CEP112: variants seen among roughly 807,000 people sequenced by gnomAD.
CEP112 encodes centrosomal protein of 112 kDa.
In CEP112, 127 loss-of-function variants were observed where a neutral mutation model predicts 153.0. The observed-to-expected ratio is 0.83, with a 90% CI of 0.72 to 0.96. The LOEUF (loss-of-function observed/expected upper bound fraction) is 0.96, where lower values mean the gene tolerates loss of function less well. Ranked by LOEUF, CEP112 falls within the 40% of genes least tolerant of loss-of-function variation. The pLI is 0.00. For missense variants in CEP112, 1,089 were observed against 1,101.2 expected (o/e 0.99, Z 0.16); for synonymous variants, 358 against 374.4 (o/e 0.96, Z 0.51).
chr17:65,692,371 G>C (rs910120380), intron 23 of CEP112, among the ~76,000 whole-genome samples: 2 of 151,830 alleles, frequency 1.3e-5, no homozygotes, highest in Non-Finnish European at 2.9e-5. Flanking sequence ...GGGATTAAAG[G>C]CATGTGCCAC....
At chr17:66,025,944 CACACAT>C (rs1326033299) in intron 16 of CEP112, among the ~76,000 whole-genome samples, 61 of 122,832 alleles carry the variant, frequency 5.0e-4, no homozygotes, top group African/African-American at 1.9e-3. Context: ...CACACACACA[CACACAT>C]ATATAGATAT....
chr17:65,670,001 C>T (rs1291157233), intron 24 of CEP112, among the ~76,000 whole-genome samples: 1 of 151,942 alleles, frequency 6.6e-6, no homozygotes, highest in Non-Finnish European at 1.5e-5. Context: ...CTATGAGCTC[C>T]TTCAGGAAAA....
intron 2 of CEP112, among the ~76,000 whole-genome samples, chr17:66,180,540 C>T (rs988742178): frequency 6.6e-6 from 1 of 151,946 alleles, no homozygotes; most frequent in Non-Finnish European, 1.5e-5. Context: ...TCCAATAATA[C>T]CCAGGGATTT....
chr17:65,871,081 C>A (rs957049357), intron 20 of CEP112, among the ~76,000 whole-genome samples: 9 of 152,154 alleles, frequency 5.9e-5, no homozygotes, highest in African/African-American at 2.2e-4. Context: ...ACTGTGCTAA[C>A]AATGGTAGGA....
At chr17:65,675,672 T>A (rs905823598) in intron 24 of CEP112, among the ~76,000 whole-genome samples, 2 of 151,736 alleles carry the variant, frequency 1.3e-5, no homozygotes, top group African/African-American at 2.4e-5. Context: ...GAAACATAGA[T>A]GCAAAAATCC....
chr17:65,664,100 A>G (rs2046554720), intron 24 of CEP112, among the ~76,000 whole-genome samples: 1 of 152,190 alleles, frequency 6.6e-6, no homozygotes, highest in African/African-American at 2.4e-5. Flanking sequence ...GCTACAGGGA[A>G]ACTCAGTATA....
At chr17:65,932,444 C>T (rs925040184) in intron 18 of CEP112, among the ~76,000 whole-genome samples, 3 of 152,200 alleles carry the variant, frequency 2.0e-5, no homozygotes, top group African/African-American at 4.8e-5. Flanking sequence ...TATAAAATGA[C>T]TGACAATTCA....
chr17:65,638,555 C>T (rs893264250), intron 25 of CEP112, among the ~76,000 whole-genome samples: 1 of 152,190 alleles, frequency 6.6e-6, no homozygotes, highest in Non-Finnish European at 1.5e-5. Context: ...ATTTGTATAG[C>T]ACCCTGGTCT....
intron 4 of CEP112, among the ~76,000 whole-genome samples, chr17:66,172,672 C>T (rs2072294984): frequency 6.6e-6 from 1 of 152,058 alleles, no homozygotes; most frequent in African/African-American, 2.4e-5. Context: ...ATCTATTCAC[C>T]CGGACTCCCT....
chr17:66,186,541 G>A (rs574423256), intron 1 of CEP112, among the ~76,000 whole-genome samples: 23 of 151,904 alleles, frequency 1.5e-4, no homozygotes, highest in Non-Finnish European at 2.2e-4. Flanking sequence ...CGCCTGCCTC[G>A]GCCTCCCAAA....
rs879593997 is a variant in CEP112 at position 66,010,400 on chromosome 17, C to T, written c.1657-4631G>A. Among the ~76,000 whole-genome samples the T allele has an allele frequency of 1.1e-4, 16 of 152,152 alleles. No individual in the cohort carries two copies. In the East Asian group the frequency reaches 1.7e-3, roughly 17 times the overall value. On this transcript the variant is annotated intron_variant, in intron 16 of 26. Coordinates refer to ENST00000535342, the MANE Select transcript of CEP112 (RefSeq NM_001199165.4). Reference sequence around the variant, plus strand: ...TTTCTAGGCATAGAATCATATCATCCGCAAACAGGGATATTTGACTTCCTC... The same window carrying T: ...TTTCTAGGCATAGAATCATATCATCTGCAAACAGGGATATTTGACTTCCTC...
At chr17:66,070,533 G>A (rs899274519) in intron 8 of CEP112, among the ~76,000 whole-genome samples, 2 of 151,854 alleles carry the variant, frequency 1.3e-5, no homozygotes, top group Admixed American at 6.6e-5. Context: ...TCTCTCTCCC[G>A]GAATCATAGA....
chr17:65,678,851 G>A (rs1205775442), intron 24 of CEP112, among the ~76,000 whole-genome samples: 1 of 151,102 alleles, frequency 6.6e-6, no homozygotes, highest in African/African-American at 2.4e-5. Flanking sequence ...CTCTCCTCCC[G>A]CAGCACACTC....
chr17:65,673,108 A>T (rs1289071906), intron 24 of CEP112, among the ~76,000 whole-genome samples: 1 of 152,130 alleles, frequency 6.6e-6, no homozygotes, highest in Admixed American at 6.5e-5. Context: ...CTGGGCTCTT[A>T]TCTGGAGGCT....
At chr17:65,991,480 C>A (rs1311569028) in intron 17 of CEP112, among the ~76,000 whole-genome samples, 1 of 144,090 alleles carries the variant, frequency 6.9e-6, no homozygotes, top group African/African-American at 2.5e-5. Context: ...AATATATATG[C>A]ATCAGTTAAA....
At chr17:65,731,407 T>G (rs2050500834) in intron 23 of CEP112, among the ~76,000 whole-genome samples, 1 of 152,216 alleles carries the variant, frequency 6.6e-6, no homozygotes, top group African/African-American at 2.4e-5. Flanking sequence ...ACTTTCTTAT[T>G]GCTAAGACAT....
intron 21 of CEP112, among the ~76,000 whole-genome samples, chr17:65,812,360 T>G (rs2056023897): frequency 6.6e-6 from 1 of 152,212 alleles, no homozygotes; most frequent in Non-Finnish European, 1.5e-5. Context: ...TCATTTTCTC[T>G]GGGATATTTC....
intron 4 of CEP112, among the ~76,000 whole-genome samples, chr17:66,163,750 ATC>A (rs1232226108): frequency 2.6e-5 from 4 of 152,176 alleles, no homozygotes; most frequent in Admixed American, 6.5e-5. Flanking sequence ...TTATTAATAT[ATC>A]TCTGACTTAG....
At chr17:65,885,121 G>C (rs1219612583) in intron 20 of CEP112, among the ~76,000 whole-genome samples, 1 of 152,082 alleles carries the variant, frequency 6.6e-6, no homozygotes, top group Non-Finnish European at 1.5e-5. Flanking sequence ...CAAGTAAATG[G>C]AAGAACGATT....
Sources: allele counts gnomAD v4.1 joint callset (sites outside exome capture counted in the v4.1 genomes callset), GRCh38; gene constraint gnomAD v4.1.1; transcripts MANE v1.5; gene names NCBI Gene and HGNC (gene_info 2026-07-23, HGNC 2026-07-21).